Variants in NTRK2 observed in about 807,000 individuals in gnomAD.
NTRK2 encodes the protein BDNF/NT-3 growth factors receptor.
Under a neutral mutation model 94.5 loss-of-function variants are expected in NTRK2, and 13 were observed. The observed-to-expected ratio is 0.14, with a 90% CI of 0.09 to 0.22. NTRK2 has a LOEUF of 0.22. Among genes scored for constraint, NTRK2 ranks in the 10% least tolerant of loss-of-function variants. NTRK2 has a pLI of 1.00. For missense variants in NTRK2, 639 were observed against 1,071.2 expected, an observed-to-expected ratio of 0.60 and a Z score of 5.63; for synonymous variants, 372 against 407.4, an observed-to-expected ratio of 0.91 and a Z score of 1.05.
intron 17 of NTRK2, among the ~76,000 whole-genome samples, chr9:84,978,788 A>T (rs1827224627): frequency 1.3e-5 from 2 of 152,242 alleles, no homozygotes; most frequent in Non-Finnish European, 2.9e-5. Context: ...TTAGGGGCTA[A>T]TGCAGCTGGT....
chr9:84,997,642 G>T (rs1045434635), intron 17 of NTRK2, among the ~76,000 whole-genome samples: 1 of 152,162 alleles, frequency 6.6e-6, no homozygotes, highest in Non-Finnish European at 1.5e-5. Context: ...GGCATAAAGT[G>T]GGAGCTGAGT....
chr9:84,867,197 T>A, intron 13 of NTRK2, 46 bp from the exon 14 acceptor site: 1 of 1,584,606 alleles, frequency 6.3e-7, no homozygotes, highest in Admixed American at 1.7e-5. Context: ...TACAGCTCAA[T>A]AAAGCCATTG....
chr9:85,014,382 C>T (rs1383148747), intron 17 of NTRK2, among the ~76,000 whole-genome samples: 1 of 152,128 alleles, frequency 6.6e-6, no homozygotes, highest in Admixed American at 6.6e-5. Context: ...TTAACGTGTG[C>T]CAAGGATAGC....
At chr9:84,672,807 T>G (rs923912419) in intron 2 of NTRK2, among the ~76,000 whole-genome samples, 1 of 152,236 alleles carries the variant, frequency 6.6e-6, no homozygotes, top group Non-Finnish European at 1.5e-5. Context: ...TGAAATCAAT[T>G]GATTTCAGCA....
intron 12 of NTRK2, among the ~76,000 whole-genome samples, chr9:84,754,621 CA>C (rs777361850): frequency 6.6e-6 from 1 of 152,142 alleles, no homozygotes; most frequent in Non-Finnish European, 1.5e-5. Flanking sequence ...AATAACCAGG[CA>C]ATGTATTAGT....
At chr9:84,769,621 A>G (rs1465228625) in intron 12 of NTRK2, among the ~76,000 whole-genome samples, 1 of 152,178 alleles carries the variant, frequency 6.6e-6, no homozygotes, top group African/African-American at 2.4e-5. Context: ...AGAGCCAAGG[A>G]CTTATTGCTG....
At chr9:84,946,458 A>G (rs1488689238) in intron 15 of NTRK2, among the ~76,000 whole-genome samples, 1 of 152,230 alleles carries the variant, frequency 6.6e-6, no homozygotes, top group Non-Finnish European at 1.5e-5. Flanking sequence ...TGTACCAGAG[A>G]TAAGCAAGTA....
At chr9:84,784,389 C>G (rs1255677486) in intron 12 of NTRK2, among the ~76,000 whole-genome samples, 1 of 152,164 alleles carries the variant, frequency 6.6e-6, no homozygotes, top group Admixed American at 6.5e-5. Context: ...ATTGTTAACT[C>G]TAGTTCCAGT....
intron 12 of NTRK2, among the ~76,000 whole-genome samples, chr9:84,833,825 T>C (rs774699232): frequency 2.0e-5 from 3 of 152,156 alleles, no homozygotes; most frequent in Non-Finnish European, 4.4e-5. Flanking sequence ...GAGCACTTTT[T>C]AAAAACCCAG....
intron 12 of NTRK2, among the ~76,000 whole-genome samples, chr9:84,845,282 C>T (rs2074412315): frequency 6.9e-6 from 1 of 144,218 alleles, no homozygotes; most frequent in Non-Finnish European, 1.5e-5. Context: ...CACACACACA[C>T]ACGGCTATCA....
chr9:84,986,139 C>T (rs1400972968), intron 17 of NTRK2, among the ~76,000 whole-genome samples: 1 of 152,094 alleles, frequency 6.6e-6, no homozygotes, highest in African/African-American at 2.4e-5. Flanking sequence ...GAGATGACTA[C>T]CCTTTCACAA....
In NTRK2 at chr9:84,717,951, T is replaced by G. The variant is rs541804737; in HGVS notation, c.584-5622T>G. 1.6e-4 allele frequency among the ~76,000 whole-genome samples: 25 copies of G among 152,332 alleles called. No individual in the cohort carries two copies. In the East Asian group the frequency reaches 4.4e-3, roughly 27 times the overall value. ...GGAGTTCTCAGAACTTTTAATTTTC[T>G]AATGTGCATTGTGAACATCCAGAGC... On this transcript the variant is annotated intron_variant, in intron 6 of 18. Transcript: ENST00000277120.
Position 84,793,464 on chromosome 9 carries a change from T to C in NTRK2, c.1396+41379T>C, listed in dbSNP as rs548266689. On this transcript the variant is annotated intron_variant, in intron 12 of 18. Transcript: ENST00000277120. ...GATAATTGAGAGGCTGCATTTTTCA[T>C]ATGGTCAAGTTGGAGATAGTGAGTG... Among the ~76,000 whole-genome samples, 3 of 152,318 alleles carry C rather than the reference T, an allele frequency of 2.0e-5. No individual in the cohort carries two copies. In the East Asian group the frequency reaches 5.8e-4, roughly 29 times the overall value.
chr9:84,752,030 T>G lies in NTRK2; in HGVS notation c.1341T>G (p.Leu447=). The G allele has an allele frequency of 6.2e-7, 1 of 1,614,092 alleles. No individual in the cohort carries two copies. Among genetic ancestry groups the G allele is most frequent in the Non-Finnish European group, 8.5e-7 (1 of 1,179,978 alleles). The part of the protein sequence containing the change: ...VVIASVVGFC[L]LVMLFLLKLA... ...TTGCGTCTGTGGTGGGATTTTGCCT[T>G]TTGGTAATGCTGTTTCTGCTTAAGT... The change falls in exon 12 of 19, where the codon CTT becomes CTG. Residue 447 remains leucine (L), a synonymous_variant. Coordinates refer to ENST00000277120, the MANE Select transcript of NTRK2 (RefSeq NM_006180.6).
chr9:84,957,297 T>C (rs1009454910), intron 17 of NTRK2, among the ~76,000 whole-genome samples: 2 of 152,210 alleles, frequency 1.3e-5, no homozygotes, highest in Non-Finnish European at 2.9e-5. Context: ...CCCAAATCAA[T>C]AGACATACAC....
chr9:84,937,930 G>A (rs76687256), intron 15 of NTRK2, among the ~76,000 whole-genome samples: 362 of 152,152 alleles, frequency 2.4e-3, no homozygotes, highest in Non-Finnish European at 4.0e-3. Context: ...AGTGTGCATC[G>A]TGGGATTCAT....
chr9:84,973,421 G>A (rs906557106), intron 17 of NTRK2, among the ~76,000 whole-genome samples: 1 of 152,116 alleles, frequency 6.6e-6, no homozygotes, highest in African/African-American at 2.4e-5. Flanking sequence ...CACCTAATGT[G>A]TCCTCAAATA....
At position 84,838,515 on chromosome 9, in the gene NTRK2, G is replaced by C. The variant is rs769411610; in HGVS notation, c.1397-22525G>C. 5.3e-5 allele frequency among the ~76,000 whole-genome samples: 8 copies of C among 152,070 alleles called. No homozygotes were observed. The East Asian group carries it at 1.5e-3, about 29-fold the overall frequency. On this transcript the variant is annotated intron_variant, in intron 12 of 18. Transcript: ENST00000277120. ...ATTTTTTATGCAGTAAAAATGATGA[G>C]ATCAAGATGTTATTATCAGACATGG...
At chr9:84,806,781 A>G (rs1042783203) in intron 12 of NTRK2, among the ~76,000 whole-genome samples, 16 of 152,260 alleles carry the variant, frequency 1.1e-4, no homozygotes, top group Non-Finnish European at 1.8e-4. Context: ...ACAAAGCACA[A>G]CTGTACCTTG....
Sources: gnomAD v4.1 joint callset for allele counts (sites outside exome capture counted in the v4.1 genomes callset) on GRCh38, gnomAD v4.1.1 for gene constraint, MANE v1.5 for transcripts, NCBI Gene and HGNC (gene_info 2026-07-23, HGNC 2026-07-21) for gene names.